The following PLS1 variants were observed in gnomAD, a reference collection of about 807,000 sequenced individuals.
The protein encoded by PLS1 is plastin-1.
PLS1 carries 32 observed loss-of-function variants against 73.7 expected under a neutral mutation model. The ratio of observed to expected loss-of-function variants is 0.43; its 90% CI spans 0.33 to 0.58. The LOEUF (loss-of-function observed/expected upper bound fraction) is 0.58, where lower values mean the gene tolerates loss of function less well. Among genes scored for constraint, PLS1 ranks in the 20% least tolerant of loss-of-function variants. The probability of loss-of-function intolerance (pLI) is 0.04; values close to 1 mark genes in which losing one functional copy is unlikely to be tolerated. For missense variants in PLS1, 633 were observed against 740.5 expected (o/e 0.85, Z 1.68); for synonymous variants, 217 against 261.3 (o/e 0.83, Z 1.63).
chr3:142,660,859 A>G (rs2037355778), intron 1 of PLS1, among the ~76,000 whole-genome samples: 1 of 152,214 alleles, frequency 6.6e-6, no homozygotes, highest in Admixed American at 6.5e-5. Context: ...TAGGAGACTA[A>G]AAACATTTTA....
chr3:142,657,809 G>A (rs1287627264), intron 1 of PLS1, among the ~76,000 whole-genome samples: 3 of 151,964 alleles, frequency 2.0e-5, no homozygotes, highest in Non-Finnish European at 4.4e-5. Context: ...TAATTGAGGA[G>A]GAAAAAGAAT....
chr3:142,644,106 G>T (rs994479199), intron 1 of PLS1, among the ~76,000 whole-genome samples: 2 of 152,072 alleles, frequency 1.3e-5, no homozygotes, highest in African/African-American at 4.8e-5. Flanking sequence ...GGGATTACAG[G>T]TGTGAGCCAC....
rs41265479 is a variant in PLS1, at chr3:142,684,416, A to C, written c.888+21A>C. ...TTAAGGTTTATATTTAAATGTTCAA[A>C]TTTGTGACATGAAATAAGGATGTGC... On this transcript the variant is annotated intron_variant, in intron 8 of 15. Transcript: ENST00000457734. 7,038 of 1,598,490 alleles carry C rather than the reference A, an allele frequency of 4.4e-3. 23 individuals are homozygous for C. Among genetic ancestry groups the C allele is most frequent in the Non-Finnish European group, 5.6e-3 (6,507 of 1,167,748 alleles).
intron 10 of PLS1, among the ~76,000 whole-genome samples, chr3:142,693,469 A>T (rs2038128283): frequency 6.6e-6 from 1 of 152,204 alleles, no homozygotes; most frequent in Non-Finnish European, 1.5e-5. Context: ...GAGTGACTTG[A>T]ACTTGCCTAT....
At chr3:142,599,416 G>A (rs1228609301) in intron 1 of PLS1, among the ~76,000 whole-genome samples, 5 of 143,468 alleles carry the variant, frequency 3.5e-5, no homozygotes, top group South Asian at 2.3e-4. Flanking sequence ...TGCAAGCTCC[G>A]CTTCCCAGGT....
intron 9 of PLS1, among the ~76,000 whole-genome samples, 189 bp from the exon 10 acceptor site, chr3:142,689,429 C>CATAAATAAATAAATAAATAA (rs60286789): frequency 6.7e-6 from 1 of 148,480 alleles, no homozygotes; most frequent in African/African-American, 2.5e-5. Context: ...TCTCTAAATA[C>CATAAATAAATAAATAAATAA]ATAAATAAAT....
intron 1 of PLS1, among the ~76,000 whole-genome samples, chr3:142,630,236 C>T (rs1451630288): frequency 6.7e-6 from 1 of 149,970 alleles, no homozygotes; most frequent in Non-Finnish European, 1.5e-5. Context: ...ATCCTGGTCT[C>T]ATGGTGAAAC....
In PLS1 at chr3:142,711,655, A is replaced by G. The variant is rs187461136; in HGVS notation, c.1754+30A>G. The G allele has an allele frequency of 4.4e-5, 68 of 1,558,072 alleles. No homozygotes were observed. The East Asian group carries it at 1.4e-3, about 33-fold the overall frequency. ...GCCTTTATGGTTTATATTACAATAC[A>G]TGGCCCTTTAATTCTCTAAAATCCT... On this transcript the variant is annotated intron_variant, in intron 15 of 15. Transcript: ENST00000457734.
At chr3:142,682,496 G>C (rs1022952456) in intron 6 of PLS1, among the ~76,000 whole-genome samples, 1 of 152,148 alleles carries the variant, frequency 6.6e-6, no homozygotes, top group Admixed American at 6.5e-5. Context: ...GTTCTTACTA[G>C]TATTGCAATC....
intron 3 of PLS1, among the ~76,000 whole-genome samples, chr3:142,670,058 A>G (rs1285436057): frequency 2.0e-5 from 3 of 152,320 alleles, no homozygotes; most frequent in African/African-American, 4.8e-5. Flanking sequence ...GAGAATTGCT[A>G]TGACAGAGTG....
intron 1 of PLS1, among the ~76,000 whole-genome samples, chr3:142,660,692 T>A (rs2037351746): frequency 6.6e-6 from 1 of 152,212 alleles, no homozygotes; most frequent in Non-Finnish European, 1.5e-5. Flanking sequence ...TTGAAGATCC[T>A]TTTATATTTT....
intron 1 of PLS1, among the ~76,000 whole-genome samples, chr3:142,639,381 C>A (rs997499200): frequency 2.0e-5 from 3 of 152,122 alleles, no homozygotes; most frequent in African/African-American, 7.2e-5. Flanking sequence ...GACCCTGAAT[C>A]CCCTTCAAAT....
chr3:142,693,575 G>A (rs934402965), intron 10 of PLS1, among the ~76,000 whole-genome samples: 5 of 152,098 alleles, frequency 3.3e-5, no homozygotes, highest in South Asian at 2.1e-4. Context: ...TAACTTTGCC[G>A]AAGAACAAAT....
At chr3:142,685,287 G>C (rs928011528) in intron 8 of PLS1, among the ~76,000 whole-genome samples, 3 of 152,174 alleles carry the variant, frequency 2.0e-5, no homozygotes, top group Admixed American at 2.0e-4. Context: ...ATGCCCAGGC[G>C]ATGCAAAGAC....
chr3:142,650,152 C>T (rs912801238), intron 1 of PLS1, among the ~76,000 whole-genome samples: 1 of 151,726 alleles, frequency 6.6e-6, no homozygotes, highest in African/African-American at 2.4e-5. Context: ...GACTACCCTG[C>T]CAGAATGTGT....
chr3:142,704,630 A>T, intron 14 of PLS1, 44 bp downstream of exon 14: 1 of 727,596 alleles, frequency 1.4e-6, no homozygotes. Context: ...TAGGTATAGG[A>T]AGGAATTTTT....
intron 1 of PLS1, among the ~76,000 whole-genome samples, chr3:142,624,686 C>G (rs1577790352): frequency 6.6e-6 from 1 of 152,338 alleles, no homozygotes; most frequent in East Asian, 1.9e-4. Flanking sequence ...AAGACTTGCT[C>G]AGCTTTGTGA....
intron 1 of PLS1, among the ~76,000 whole-genome samples, chr3:142,641,176 T>TC (rs113228350): frequency 1.3e-4 from 16 of 126,354 alleles, no homozygotes; most frequent in African/African-American, 5.2e-4. Context: ...ATATATATAT[T>TC]ATATATATAT....
chr3:142,627,233 T>A (rs976910452), intron 1 of PLS1, among the ~76,000 whole-genome samples: 1 of 152,142 alleles, frequency 6.6e-6, no homozygotes, highest in Non-Finnish European at 1.5e-5. Flanking sequence ...TTTAGGTGTT[T>A]GGGAAGGGGA....
Sources: gnomAD v4.1 joint callset for allele counts (sites outside exome capture counted in the v4.1 genomes callset) on GRCh38, gnomAD v4.1.1 for gene constraint, MANE v1.5 for transcripts, NCBI Gene and HGNC (gene_info 2026-07-23, HGNC 2026-07-21) for gene names.